The following MGAT5 variants were observed in gnomAD, a reference collection of about 807,000 sequenced individuals.
The protein encoded by MGAT5 is alpha-1,6-mannosylglycoprotein 6-beta-N-acetylglucosaminyltransferase.
A neutral mutation model predicts 94.3 loss-of-function variants in MGAT5; 30 were observed. The observed-to-expected ratio is 0.32, with a 90% CI of 0.24 to 0.43. MGAT5 has a LOEUF of 0.43. Among genes scored for constraint, MGAT5 ranks in the 20% least tolerant of loss-of-function variants. The pLI, the probability that MGAT5 is intolerant of heterozygous loss-of-function variation, is 1.00. For synonymous variants in MGAT5, 310 were observed against 322.9 expected (o/e 0.96, Z 0.43); for missense variants, 691 against 905.5 (o/e 0.76, Z 3.04).
At chr2:134,156,758 A>G (rs1019316339) in intron 1 of MGAT5, among the ~76,000 whole-genome samples, 1 of 152,084 alleles carries the variant, frequency 6.6e-6, no homozygotes, top group Non-Finnish European at 1.5e-5. Context: ...CCTCCACATC[A>G]CAGCCTTCAC....
Position 134,412,767 on chromosome 2 carries a change from G to A in MGAT5, c.1531-102G>A, listed in dbSNP as rs138562792. ...GCCTTCCAAAGTGAGGTGTCCACAC[G>A]GGAATGGGCCACAGAATCGCCGCCT... On this transcript the variant is annotated intron_variant, in intron 11 of 15. Coordinates refer to ENST00000281923, the MANE Select transcript of MGAT5 (RefSeq NM_002410.5). 305 of 1,446,718 alleles carry A rather than the reference G, an allele frequency of 2.1e-4. 1 individual carries two copies. In the East Asian group the frequency reaches 6.2e-3, roughly 29 times the overall value. The allele number at this position is 1,446,718 out of a possible 1,614,324, so 89.6% of individuals were successfully genotyped here.
At chr2:134,157,880 T>G (rs1006500685) in intron 1 of MGAT5, among the ~76,000 whole-genome samples, 5 of 152,114 alleles carry the variant, frequency 3.3e-5, no homozygotes, top group African/African-American at 1.2e-4. Context: ...TGAGCAGCAG[T>G]ACAGTTCTCA....
At chr2:134,240,374 C>CTTTTTTTTTTT (rs1573592166) in intron 1 of MGAT5, among the ~76,000 whole-genome samples, 2 of 130,952 alleles carry the variant, frequency 1.5e-5, no homozygotes, top group East Asian at 2.4e-4. Flanking sequence ...TTTTTTTTTA[C>CTTTTTTTTTTT]TATTTGTATG....
At position 134,439,465 on chromosome 2, in the gene MGAT5, G is replaced by T. The variant is rs532840895; in HGVS notation, c.1870-2293G>T. On this transcript the variant is annotated intron_variant, in intron 14 of 15. Coordinates refer to ENST00000281923, the MANE Select transcript of MGAT5 (RefSeq NM_002410.5). ...TAATCCCGGCACTTTGGGAGGTTGA[G>T]GTGGGCAGATCACCTGAGGTCAGGA... Among the ~76,000 whole-genome samples the T allele has an allele frequency of 5.7e-4, 87 of 152,338 alleles. 1 individual carries two copies. Among genetic ancestry groups the T allele is most frequent in the African/African-American group, 2.0e-3 (82 of 41,578 alleles).
At chr2:134,297,979 G>A (rs1027981818) in intron 2 of MGAT5, among the ~76,000 whole-genome samples, 1 of 151,660 alleles carries the variant, frequency 6.6e-6, no homozygotes, top group Non-Finnish European at 1.5e-5. Context: ...GTTTTGTTCT[G>A]TTTTCTGTTT....
intron 14 of MGAT5, among the ~76,000 whole-genome samples, chr2:134,440,444 C>G (rs530901594): frequency 6.8e-4 from 103 of 152,248 alleles, no homozygotes; most frequent in Admixed American, 6.0e-3. Context: ...AGCTGGGCAC[C>G]TGAGGTGAAC....
chr2:134,373,615 A>G (rs1680959503), intron 10 of MGAT5, among the ~76,000 whole-genome samples: 1 of 152,228 alleles, frequency 6.6e-6, no homozygotes, highest in African/African-American at 2.4e-5. Flanking sequence ...ATGGTGACAA[A>G]TTGAGGAGAT....
intron 9 of MGAT5, among the ~76,000 whole-genome samples, chr2:134,352,718 G>A (rs1679462875): frequency 6.6e-6 from 1 of 152,114 alleles, no homozygotes; most frequent in Admixed American, 6.6e-5. Context: ...ATACTCCAAG[G>A]AATTCAAAGT....
chr2:134,353,899 A>G (rs1054025899), intron 9 of MGAT5, among the ~76,000 whole-genome samples: 8 of 152,158 alleles, frequency 5.3e-5, no homozygotes, highest in Non-Finnish European at 1.2e-4. Context: ...CAACAAAAAA[A>G]AAAAATAGTT....
chr2:134,220,324 C>A (rs777413898), intron 1 of MGAT5, among the ~76,000 whole-genome samples: 1 of 152,140 alleles, frequency 6.6e-6, no homozygotes, highest in Non-Finnish European at 1.5e-5. Flanking sequence ...ATGTATCCCC[C>A]ACCCCGACCA....
At chr2:134,332,845 C>T (rs555756490) in intron 4 of MGAT5, among the ~76,000 whole-genome samples, 2 of 152,330 alleles carry the variant, frequency 1.3e-5, no homozygotes, top group South Asian at 4.1e-4. Flanking sequence ...TGCTCACCAT[C>T]ACTGGCCATC....
intron 15 of MGAT5, 131 bp downstream of exon 15, chr2:134,442,046 T>C: frequency 9.6e-7 from 1 of 1,038,026 alleles, no homozygotes; most frequent in Non-Finnish European, 1.4e-6. Context: ...GGGAGGGGAG[T>C]AGGTTGCAGC....
chr2:134,322,137 C>G (rs536093418), intron 4 of MGAT5, among the ~76,000 whole-genome samples: 4 of 152,124 alleles, frequency 2.6e-5, no homozygotes, highest in Admixed American at 1.3e-4. Context: ...GAGTACAACC[C>G]GGCAGATAAA....
chr2:134,238,508 G>A (rs1248406043), intron 1 of MGAT5, among the ~76,000 whole-genome samples: 2 of 152,332 alleles, frequency 1.3e-5, no homozygotes, highest in African/African-American at 4.8e-5. Context: ...TCTTGTTTAT[G>A]TATCCTTGTC....
intron 1 of MGAT5, among the ~76,000 whole-genome samples, chr2:134,226,968 A>ATT (rs33946190): frequency 0.01 from 1,466 of 143,090 alleles, 15 homozygotes; most frequent in African/African-American, 0.032. Context: ...AGATAGTCCT[A>ATT]TTTTTTTTTT....
At chr2:134,335,605 GT>G (rs975300406) in intron 4 of MGAT5, among the ~76,000 whole-genome samples, 43 of 146,028 alleles carry the variant, frequency 2.9e-4, no homozygotes, top group South Asian at 1.3e-3. Context: ...GATCATCAAG[GT>G]TTTTTTTTTT....
intron 4 of MGAT5, among the ~76,000 whole-genome samples, chr2:134,329,470 G>T (rs897488749): frequency 6.6e-6 from 1 of 152,064 alleles, no homozygotes; most frequent in African/African-American, 2.4e-5. Flanking sequence ...TCACTTTAAA[G>T]GATTTCATAC....
chr2:134,398,026 G>A (rs1295286963), intron 10 of MGAT5, among the ~76,000 whole-genome samples: 3 of 152,172 alleles, frequency 2.0e-5, no homozygotes, highest in Non-Finnish European at 2.9e-5. Flanking sequence ...GTAACAGGCC[G>A]ATTTCCATAT....
At chr2:134,162,689 C>T (rs1188604654) in intron 1 of MGAT5, among the ~76,000 whole-genome samples, 1 of 152,134 alleles carries the variant, frequency 6.6e-6, no homozygotes, top group East Asian at 1.9e-4. Flanking sequence ...GTTACATTGT[C>T]CCCTTAAGGA....
Sources: allele counts gnomAD v4.1 joint callset (sites outside exome capture counted in the v4.1 genomes callset), GRCh38; gene constraint gnomAD v4.1.1; transcripts MANE v1.5; gene names NCBI Gene and HGNC (gene_info 2026-07-23, HGNC 2026-07-21).